The following ASXL2 variants were observed in gnomAD, a reference collection of about 807,000 sequenced individuals.
ASXL2 encodes the protein putative Polycomb group protein ASXL2.
In ASXL2, 23 loss-of-function variants were observed where a neutral mutation model predicts 122.0. That is an observed-to-expected ratio of 0.19 (90% CI 0.14 to 0.27). ASXL2 has a LOEUF of 0.27. ASXL2 is among the 10% of genes least tolerant of loss of function. The pLI is 1.00. For missense variants in ASXL2, 1,518 were observed against 1,713.8 expected (o/e 0.89, Z 2.02); for synonymous variants, 650 against 637.0 (o/e 1.02, Z -0.31).
chr2:25,845,400 G>C, intron 2 of ASXL2, 81 bp downstream of exon 2: 1 of 1,338,744 alleles, frequency 7.5e-7, no homozygotes, highest in Non-Finnish European at 1.0e-6. Context: ...TTAATCTTCA[G>C]GACTAAAGTA....
At chr2:25,790,403 T>C (rs1193007685) in intron 5 of ASXL2, among the ~76,000 whole-genome samples, 1 of 150,420 alleles carries the variant, frequency 6.6e-6, no homozygotes, top group Non-Finnish European at 1.5e-5. Context: ...ACAGAACTAT[T>C]AAAAATAAGA....
At chr2:25,877,712 A>C (rs1336246814) in intron 1 of ASXL2, among the ~76,000 whole-genome samples, 1 of 152,180 alleles carries the variant, frequency 6.6e-6, no homozygotes, top group Non-Finnish European at 1.5e-5. Flanking sequence ...CGTCCGCTGT[A>C]ACGGGTAAAT....
intron 4 of ASXL2, among the ~76,000 whole-genome samples, chr2:25,801,001 A>G (rs1348423617): frequency 1.3e-5 from 2 of 152,198 alleles, no homozygotes; most frequent in Non-Finnish European, 2.9e-5. Context: ...ATCACAGCTC[A>G]CTGTAGCCTC....
intron 2 of ASXL2, among the ~76,000 whole-genome samples, chr2:25,836,926 A>G (rs1430446547): frequency 1.3e-5 from 2 of 152,206 alleles, no homozygotes; most frequent in East Asian, 3.8e-4. Flanking sequence ...ATGGAAAGAC[A>G]AGAAAAACTA....
intron 1 of ASXL2, among the ~76,000 whole-genome samples, chr2:25,850,930 G>A (rs1574448118): frequency 6.6e-6 from 1 of 152,260 alleles, no homozygotes; most frequent in South Asian, 2.1e-4. Context: ...CCTGAGGTCA[G>A]GAGTTTGAGA....
At position 25,736,274 on chromosome 2, in the gene ASXL2, G is replaced by A. The variant is rs969649860; in HGVS notation, c.*5755C>T. On this transcript the variant is annotated 3_prime_UTR_variant, in exon 13 of 13. Coordinates refer to ENST00000435504, the MANE Select transcript of ASXL2 (RefSeq NM_018263.6). ...TATGTTGCCTTCTCCCTCAGCTGCA[G>A]ACCAACTCTACTTGCAGGCACCCAT... 6.6e-6 allele frequency: 1 copy of A among 152,126 alleles called. No individual in the cohort carries two copies. Among genetic ancestry groups the A allele is most frequent in the Admixed American group, 6.5e-5 (1 of 15,278 alleles). 9.4% of individuals were successfully genotyped at this position (152,126 alleles called of 1,614,324 possible). A position where few individuals can be genotyped will look rare whatever the true frequency, so the allele number is the denominator to read the frequency against.
Position 25,878,103 on chromosome 2 carries a change from C to T in ASXL2, c.57+63G>A, listed in dbSNP as rs1428262603. ...TGGGCCAGTGACCTCCCTTTCCCTGCGACTGGCGGGCGACAAGGGAACAAA... is the reference window on the plus strand; with the variant it reads ...TGGGCCAGTGACCTCCCTTTCCCTGTGACTGGCGGGCGACAAGGGAACAAA... On this transcript the variant is annotated intron_variant, in intron 1 of 12. Coordinates refer to ENST00000435504, the MANE Select transcript of ASXL2 (RefSeq NM_018263.6). 7.5e-6 allele frequency: 12 copies of T among 1,597,404 alleles called. No homozygotes were observed. In the African/African-American group the frequency reaches 1.6e-4, roughly 21 times the overall value.
At chr2:25,765,321 T>A (rs1366345895) in intron 8 of ASXL2, among the ~76,000 whole-genome samples, 1 of 151,792 alleles carries the variant, frequency 6.6e-6, no homozygotes, top group Non-Finnish European at 1.5e-5. Flanking sequence ...CCGTCTCTAC[T>A]GAAAATACAA....
intron 9 of ASXL2, among the ~76,000 whole-genome samples, chr2:25,758,099 C>T (rs1199718564): frequency 1.3e-5 from 2 of 152,118 alleles, no homozygotes; most frequent in African/African-American, 2.4e-5. Flanking sequence ...TCTTTGTCCC[C>T]ACTGCTGTAA....
intron 1 of ASXL2, among the ~76,000 whole-genome samples, chr2:25,864,098 C>G (rs938352303): frequency 4.6e-5 from 7 of 151,482 alleles, no homozygotes; most frequent in Non-Finnish European, 1.0e-4. Flanking sequence ...AAGTAAGCAA[C>G]AAAACAGGTA....
At chr2:25,795,861 A>G (rs1193812698) in intron 5 of ASXL2, among the ~76,000 whole-genome samples, 2 of 152,162 alleles carry the variant, frequency 1.3e-5, no homozygotes, top group Non-Finnish European at 2.9e-5. Flanking sequence ...CTTTTTCAAA[A>G]ATACGTGCTT....
At chr2:25,853,954 G>T (rs2089747770) in intron 1 of ASXL2, among the ~76,000 whole-genome samples, 1 of 152,094 alleles carries the variant, frequency 6.6e-6, no homozygotes, top group African/African-American at 2.4e-5. Flanking sequence ...AAAGGTGAGG[G>T]AAAATGCAAA....
At chr2:25,858,679 C>T (rs1423040202) in intron 1 of ASXL2, among the ~76,000 whole-genome samples, 4 of 149,082 alleles carry the variant, frequency 2.7e-5, no homozygotes, top group Non-Finnish European at 4.5e-5. Flanking sequence ...GCTGAGATCA[C>T]GCCACTGTAC....
intron 2 of ASXL2, among the ~76,000 whole-genome samples, chr2:25,839,996 GT>G (rs2089560285): frequency 6.6e-6 from 1 of 150,644 alleles, no homozygotes; most frequent in African/African-American, 2.4e-5. Context: ...TTCCCAAAGT[GT>G]TGCGGTTACA....
chr2:25,773,071 TG>T (rs1383177446), intron 5 of ASXL2, among the ~76,000 whole-genome samples: 8 of 151,780 alleles, frequency 5.3e-5, no homozygotes, highest in African/African-American at 1.7e-4. Flanking sequence ...TAGCCGGGTG[TG>T]GTGGCACATG....
intron 11 of ASXL2, among the ~76,000 whole-genome samples, chr2:25,753,270 T>C (rs936794150): frequency 2.6e-5 from 4 of 151,844 alleles, no homozygotes; most frequent in Admixed American, 6.6e-5. Context: ...AGCTAAAAAA[T>C]TTGTTTTTAA....
At chr2:25,751,283 A>T (rs1253484244) in intron 11 of ASXL2, among the ~76,000 whole-genome samples, 1 of 152,210 alleles carries the variant, frequency 6.6e-6, no homozygotes, top group African/African-American at 2.4e-5. Context: ...ATAAAAGCTG[A>T]CAAAAAGTAA....
chr2:25,849,649 A>AT (rs2089693713), intron 1 of ASXL2, among the ~76,000 whole-genome samples: 1 of 151,298 alleles, frequency 6.6e-6, no homozygotes, highest in African/African-American at 2.4e-5. Context: ...TAATTTTTGT[A>AT]TTTTTTTGTA....
At chr2:25,833,077 T>A (rs1169629792) in intron 3 of ASXL2, among the ~76,000 whole-genome samples, 1 of 152,152 alleles carries the variant, frequency 6.6e-6, no homozygotes, top group Non-Finnish European at 1.5e-5. Context: ...ACACAAGGGA[T>A]ATTTGTTGAA....
Sources: allele counts gnomAD v4.1 joint callset (sites outside exome capture counted in the v4.1 genomes callset), GRCh38; gene constraint gnomAD v4.1.1; transcripts MANE v1.5; gene names NCBI Gene and HGNC (gene_info 2026-07-23, HGNC 2026-07-21).